TNNI3K: variants seen among roughly 807,000 people sequenced by gnomAD.
TNNI3K encodes serine/threonine-protein kinase TNNI3K.
Under a neutral mutation model 114.5 loss-of-function variants are expected in TNNI3K, and 140 were observed. That is an observed-to-expected ratio of 1.22 (90% CI 1.07 to 1.41). TNNI3K has a LOEUF of 1.41. TNNI3K is among the 40% of genes most tolerant of loss of function. TNNI3K has a pLI of 0.00. For synonymous variants in TNNI3K, 347 were observed against 347.5 expected (o/e 1.00, Z 0.02); for missense variants, 1,125 against 1,007.6 (o/e 1.12, Z -1.58).
chr1:74,352,335 T>C (rs950606958), intron 9 of TNNI3K, among the ~76,000 whole-genome samples: 1 of 152,186 alleles, frequency 6.6e-6, no homozygotes, highest in South Asian at 2.1e-4. Flanking sequence ...GGAAGTTTTG[T>C]CTCAGAGGAG....
chr1:74,353,542 G>T (rs1254848138), intron 10 of TNNI3K, among the ~76,000 whole-genome samples, 182 bp downstream of exon 10: 2 of 151,448 alleles, frequency 1.3e-5, no homozygotes, highest in Non-Finnish European at 2.9e-5. Flanking sequence ...TGACTTTTTG[G>T]TCAATTTTAT....
At chr1:74,543,624 C>T (rs112290747) in intron 24 of TNNI3K, among the ~76,000 whole-genome samples, 40 of 152,344 alleles carry the variant, frequency 2.6e-4, no homozygotes, top group African/African-American at 8.4e-4. Flanking sequence ...GCCACCCTGA[C>T]ATGCCATCTG....
At chr1:74,245,072 C>T (rs1440272745) in intron 2 of TNNI3K, among the ~76,000 whole-genome samples, 1 of 152,124 alleles carries the variant, frequency 6.6e-6, no homozygotes, top group Non-Finnish European at 1.5e-5. Context: ...TGAAAGTAAA[C>T]TCATTTCACT....
At chr1:74,534,513 T>G (rs1646635983) in intron 23 of TNNI3K, among the ~76,000 whole-genome samples, 1 of 152,158 alleles carries the variant, frequency 6.6e-6, no homozygotes, top group African/African-American at 2.4e-5. Flanking sequence ...CTGTCTGTTT[T>G]TAAGGCTCTA....
intron 11 of TNNI3K, among the ~76,000 whole-genome samples, chr1:74,362,519 T>C (rs17095188): frequency 0.015 from 2,290 of 152,224 alleles, 59 homozygotes; most frequent in African/African-American, 0.053. Flanking sequence ...GAGCAAGAGA[T>C]TAGAATCAGC....
intron 22 of TNNI3K, 134 bp from the exon 23 acceptor site, chr1:74,491,963 G>A (rs1669098744): frequency 1.5e-6 from 2 of 1,313,558 alleles, no homozygotes; most frequent in Non-Finnish European, 2.0e-6. Context: ...GAAAGGAAAA[G>A]CCAGGAGCAA....
chr1:74,422,213 C>A (rs534975069), intron 17 of TNNI3K, among the ~76,000 whole-genome samples: 4 of 151,618 alleles, frequency 2.6e-5, no homozygotes, highest in African/African-American at 9.7e-5. Context: ...TCCCCTTTAC[C>A]GGAAATAAAG....
chr1:74,391,954 A>ATTTTTTTTTTTTTTTTTTTT (rs1557539031), intron 17 of TNNI3K, among the ~76,000 whole-genome samples: 2 of 93,262 alleles, frequency 2.1e-5, no homozygotes, highest in African/African-American at 1.1e-4. Flanking sequence ...GGTACAGCTT[A>ATTTTTTTTTTTTTTTTTTTT]TTATTTTTTT....
chr1:74,430,764 A>G (rs1233954766), intron 17 of TNNI3K, among the ~76,000 whole-genome samples: 1 of 152,156 alleles, frequency 6.6e-6, no homozygotes, highest in Non-Finnish European at 1.5e-5. Context: ...CTAGAGCCAA[A>G]TCCAAATACT....
chr1:74,355,751 A>G (rs77994574), intron 11 of TNNI3K, among the ~76,000 whole-genome samples: 4 of 152,156 alleles, frequency 2.6e-5, no homozygotes, highest in Non-Finnish European at 5.9e-5. Context: ...GGAGAAGGAA[A>G]AATGTACAGG....
intron 11 of TNNI3K, among the ~76,000 whole-genome samples, chr1:74,361,405 A>C (rs1388612264): frequency 6.6e-6 from 1 of 152,076 alleles, no homozygotes; most frequent in Non-Finnish European, 1.5e-5. Flanking sequence ...TTTGAGTGAA[A>C]TTATATTTAT....
At chr1:74,525,174 G>A (rs1419025531) in intron 23 of TNNI3K, among the ~76,000 whole-genome samples, 3 of 152,036 alleles carry the variant, frequency 2.0e-5, no homozygotes, top group Non-Finnish European at 1.5e-5. Flanking sequence ...AGTGGAAGAG[G>A]GGAAGGAAAG....
intron 11 of TNNI3K, among the ~76,000 whole-genome samples, chr1:74,355,589 C>T (rs190904824): frequency 1.7e-3 from 249 of 150,642 alleles, no homozygotes; most frequent in African/African-American, 5.9e-3. Context: ...GGCAACAGGG[C>T]GATACTCCGT....
At chr1:74,385,725 T>A (rs17095242) in intron 17 of TNNI3K, among the ~76,000 whole-genome samples, 2 of 152,176 alleles carry the variant, frequency 1.3e-5, no homozygotes, top group African/African-American at 4.8e-5. Flanking sequence ...CCATAAACAC[T>A]GACAGGAATG....
chr1:74,352,309 G>A (rs948338496), intron 9 of TNNI3K, among the ~76,000 whole-genome samples: 1 of 152,146 alleles, frequency 6.6e-6, no homozygotes, highest in African/African-American at 2.4e-5. Context: ...AAATGCTGCT[G>A]CCTGATCGTT....
At chr1:74,321,805 T>C (rs1297402425) in intron 5 of TNNI3K, among the ~76,000 whole-genome samples, 1 of 152,092 alleles carries the variant, frequency 6.6e-6, no homozygotes, top group African/African-American at 2.4e-5. Context: ...CTGAAGAAAC[T>C]ATTTTCCAAT....
At chr1:74,479,272 C>A (rs1190761857) in intron 21 of TNNI3K, among the ~76,000 whole-genome samples, 4 of 152,184 alleles carry the variant, frequency 2.6e-5, no homozygotes, top group Admixed American at 1.3e-4. Context: ...AAATCTCATG[C>A]ATCTTTGGTC....
chr1:74,437,099 C>T (rs1055129451), intron 19 of TNNI3K, among the ~76,000 whole-genome samples: 4 of 152,078 alleles, frequency 2.6e-5, no homozygotes, highest in Non-Finnish European at 5.9e-5. Flanking sequence ...TTCTGGACTA[C>T]TTGTGATAAC....
At chr1:74,328,643 C>G (rs1030511195) in intron 5 of TNNI3K, among the ~76,000 whole-genome samples, 1 of 152,104 alleles carries the variant, frequency 6.6e-6, no homozygotes, top group Non-Finnish European at 1.5e-5. Flanking sequence ...CATTTTGACA[C>G]TTTCTCAGAA....
Sources: gnomAD v4.1 joint callset for allele counts (sites outside exome capture counted in the v4.1 genomes callset) on GRCh38, gnomAD v4.1.1 for gene constraint, MANE v1.5 for transcripts, NCBI Gene and HGNC (gene_info 2026-07-23, HGNC 2026-07-21) for gene names.